HDAC9: variants seen among roughly 807,000 people sequenced by gnomAD.
HDAC9 encodes the protein MEF-2 interacting transcription repressor (MITR) protein.
In HDAC9, 41 loss-of-function variants were observed where a neutral mutation model predicts 139.4. The ratio of observed to expected loss-of-function variants is 0.29; its 90% CI spans 0.23 to 0.38. HDAC9 has a LOEUF of 0.38. Ranked by LOEUF, HDAC9 falls within the 10% of genes least tolerant of loss-of-function variation. The probability of loss-of-function intolerance (pLI) is 1.00; values close to 1 mark genes in which losing one functional copy is unlikely to be tolerated. For missense variants in HDAC9, 1,147 were observed against 1,297.0 expected (o/e 0.88, Z 1.78); for synonymous variants, 517 against 476.2 (o/e 1.09, Z -1.12).
At position 18,759,255 on chromosome 7, in the gene HDAC9, A is replaced by G. The variant is rs1000905331; in HGVS notation, c.2044-2902A>G. ...CTGGGCCACGGACCACTACTGGTCC[A>G]TGGCCTGTAAGGAACCAGGCTGCAC... On this transcript the variant is annotated intron_variant, in intron 14 of 25. Transcript: ENST00000686413. Among the ~76,000 whole-genome samples the G allele has an allele frequency of 3.9e-4, 59 of 152,264 alleles. 1 individual carries two copies. The highest frequency in any genetic ancestry group is 1.4e-3 in the African/African-American group (57 of 41,558).
chr7:18,135,764 C>T (rs1381339515), intron 1 of HDAC9, among the ~76,000 whole-genome samples: 3 of 142,932 alleles, frequency 2.1e-5, no homozygotes, highest in South Asian at 2.3e-4. Context: ...AATAAACATA[C>T]GTGTGCATGT....
chr7:18,221,756 C>T (rs913669517), intron 2 of HDAC9, among the ~76,000 whole-genome samples: 4 of 152,084 alleles, frequency 2.6e-5, no homozygotes, highest in South Asian at 2.1e-4. Flanking sequence ...GTTAGTCTCC[C>T]TCAGAGGAAT....
intron 16 of HDAC9, 76 bp downstream of exon 16, chr7:18,767,231 G>C (rs1789908957): frequency 1.2e-6 from 1 of 814,536 alleles, no homozygotes; most frequent in African/African-American, 1.8e-5. Flanking sequence ...TATCTATTCA[G>C]TTTTAGGGTT....
intron 13 of HDAC9, among the ~76,000 whole-genome samples, chr7:18,747,988 C>T (rs1233043815): frequency 6.6e-6 from 1 of 152,092 alleles, no homozygotes; most frequent in East Asian, 1.9e-4. Flanking sequence ...TGTTGTAAAA[C>T]TTCTTATAAT....
chr7:18,087,774 A>C (rs1393249366), intron 1 of HDAC9: 1 of 152,272 alleles, frequency 6.6e-6, no homozygotes, highest in Non-Finnish European at 1.5e-5. Context: ...ATTAGATGCC[A>C]TACGAGGGTG....
intron 23 of HDAC9, among the ~76,000 whole-genome samples, chr7:18,953,335 C>A (rs577325011): frequency 4.6e-5 from 7 of 152,118 alleles, no homozygotes; most frequent in Admixed American, 3.9e-4. Context: ...CCTAGCCATG[C>A]GCTTTCTGCT....
intron 1 of HDAC9, among the ~76,000 whole-genome samples, chr7:18,428,483 A>C (rs1041592659): frequency 4.6e-5 from 7 of 152,222 alleles, no homozygotes; most frequent in Non-Finnish European, 7.3e-5. Flanking sequence ...TCTCCAAAGA[A>C]GACATACACA....
At chr7:18,188,177 G>T (rs1483537887) in intron 2 of HDAC9, among the ~76,000 whole-genome samples, 3 of 151,980 alleles carry the variant, frequency 2.0e-5, no homozygotes, top group Non-Finnish European at 4.4e-5. Context: ...CAGAACAGAG[G>T]CCTCAGAAAT....
intron 16 of HDAC9, among the ~76,000 whole-genome samples, chr7:18,790,993 A>T (rs1792253603): frequency 6.6e-6 from 1 of 152,210 alleles, no homozygotes; most frequent in Non-Finnish European, 1.5e-5. Flanking sequence ...AGAAGTTTAG[A>T]CACCAAAATT....
intron 6 of HDAC9, among the ~76,000 whole-genome samples, chr7:18,610,672 A>G (rs1333292025): frequency 6.6e-6 from 1 of 152,178 alleles, no homozygotes; most frequent in Non-Finnish European, 1.5e-5. Flanking sequence ...GTGGATTTTC[A>G]CTAATGCGCT....
rs528814027 is a variant in HDAC9 at position 18,966,516 on chromosome 7, A to G, written c.3023-9290A>G. 1.2e-4 allele frequency among the ~76,000 whole-genome samples: 18 copies of G among 151,968 alleles called. No homozygotes were observed. In the South Asian group the frequency reaches 1.2e-3, roughly 10 times the overall value. On this transcript the variant is annotated intron_variant, in intron 24 of 25. Coordinates refer to ENST00000686413, the MANE Select transcript of HDAC9 (RefSeq NM_178425.4). ...AGGAGTTCAAGACCAGCCTGCCACC[A>G]TGATGAAACCCTGTCTCTACTAAAA...
chr7:18,244,999 A>ATCTATCTATCTATCTG (rs1358901232), intron 2 of HDAC9, among the ~76,000 whole-genome samples: 1 of 151,720 alleles, frequency 6.6e-6, no homozygotes, highest in Non-Finnish European at 1.5e-5. Flanking sequence ...ATCTGCATCT[A>ATCTATCTATCTATCTG]TCTATCTATC....
chr7:18,771,963 G>A (rs1464302275), intron 16 of HDAC9, among the ~76,000 whole-genome samples: 2 of 152,164 alleles, frequency 1.3e-5, no homozygotes, highest in African/African-American at 4.8e-5. Flanking sequence ...AAGGCTTGTT[G>A]TTGATGACTA....
intron 1 of HDAC9, among the ~76,000 whole-genome samples, chr7:18,157,286 A>G (rs1787284322): frequency 6.6e-6 from 1 of 152,188 alleles, no homozygotes; most frequent in South Asian, 2.1e-4. Context: ...GTAGTAGCTA[A>G]TAATGTTGAA....
At chr7:18,183,807 A>G (rs776666292) in intron 2 of HDAC9, among the ~76,000 whole-genome samples, 4 of 152,182 alleles carry the variant, frequency 2.6e-5, no homozygotes, top group Non-Finnish European at 2.9e-5. Context: ...TTGTAAACTA[A>G]GGTATTAAAG....
intron 22 of HDAC9, among the ~76,000 whole-genome samples, chr7:18,913,699 G>A (rs145298120): frequency 1.1e-3 from 168 of 152,024 alleles, no homozygotes; most frequent in Middle Eastern, 0.01. Flanking sequence ...CTAGGCAGAA[G>A]AGAAGTTAAA....
chr7:18,310,166 G>T (rs1257561320), intron 1 of HDAC9, among the ~76,000 whole-genome samples: 1 of 151,970 alleles, frequency 6.6e-6, no homozygotes, highest in Non-Finnish European at 1.5e-5. Flanking sequence ...CTGTGGTGGG[G>T]GGGTGGGGTT....
intron 2 of HDAC9, among the ~76,000 whole-genome samples, chr7:18,258,951 CTTTTTTTTTTTTTTTTTTT>C (rs199607615): frequency 9.2e-5 from 9 of 98,326 alleles, no homozygotes; most frequent in African/African-American, 3.0e-4. Flanking sequence ...TCTTCTTCTC[CTTTTTTTTTTTTTTTTTTT>C]TTTTTTTTTT....
At chr7:18,100,047 G>A (rs770185566) in intron 1 of HDAC9, among the ~76,000 whole-genome samples, 1 of 151,956 alleles carries the variant, frequency 6.6e-6, no homozygotes, top group Non-Finnish European at 1.5e-5. Context: ...GCTTGCTTTT[G>A]TATTTCTGAA....
Sources: gnomAD v4.1 joint callset for allele counts (sites outside exome capture counted in the v4.1 genomes callset) on GRCh38, gnomAD v4.1.1 for gene constraint, MANE v1.5 for transcripts, NCBI Gene and HGNC (gene_info 2026-07-23, HGNC 2026-07-21) for gene names.